FER: variants seen among roughly 807,000 people sequenced by gnomAD.
The protein encoded by FER is FER tyrosine kinase.
Under a neutral mutation model 111.0 loss-of-function variants are expected in FER, and 63 were observed. The ratio of observed to expected loss-of-function variants is 0.57; its 90% confidence interval spans 0.46 to 0.70. The LOEUF (loss-of-function observed/expected upper bound fraction) is 0.70, where lower values mean the gene tolerates loss of function less well. Among genes scored for constraint, FER ranks in the 30% least tolerant of loss-of-function variants. The pLI is 0.00. For synonymous variants in FER, 327 were observed against 313.9 expected, an observed-to-expected ratio of 1.04 and a Z score of -0.44; for missense variants, 914 against 954.0, an observed-to-expected ratio of 0.96 and a Z score of 0.55.
chr5:109,013,902 G>A (rs1766666183), intron 13 of FER, among the ~76,000 whole-genome samples: 1 of 151,918 alleles, frequency 6.6e-6, no homozygotes, highest in African/African-American at 2.4e-5. Flanking sequence ...GTCTGTTCAT[G>A]TCCTTCTCCC....
chr5:108,808,103 A>G (rs1757385238), intron 3 of FER, among the ~76,000 whole-genome samples: 1 of 151,874 alleles, frequency 6.6e-6, no homozygotes. Flanking sequence ...TGTGTATGAT[A>G]CATGGAATAT....
At chr5:108,945,471 T>G (rs1453570756) in intron 10 of FER, among the ~76,000 whole-genome samples, 1 of 152,098 alleles carries the variant, frequency 6.6e-6, no homozygotes, top group Admixed American at 6.6e-5. Flanking sequence ...TATATGATAT[T>G]CAGAAATACA....
intron 10 of FER, among the ~76,000 whole-genome samples, chr5:108,903,455 A>G (rs978908260): frequency 6.6e-6 from 1 of 152,322 alleles, no homozygotes; most frequent in South Asian, 2.1e-4. Context: ...ACTTGAGGTC[A>G]GGAGTTCGAG....
intron 16 of FER, among the ~76,000 whole-genome samples, chr5:109,082,388 T>G (rs1777089398): frequency 6.6e-6 from 1 of 152,030 alleles, no homozygotes; most frequent in Non-Finnish European, 1.5e-5. Flanking sequence ...ACACAGTCAC[T>G]GCTCTATACC....
intron 18 of FER, among the ~76,000 whole-genome samples, chr5:109,184,160 G>A (rs1333637901): frequency 2.6e-5 from 4 of 152,098 alleles, no homozygotes; most frequent in Non-Finnish European, 5.9e-5. Flanking sequence ...ATCAATTATT[G>A]AACAGAAATT....
chr5:109,030,188 C>G (rs1371394810), intron 13 of FER, among the ~76,000 whole-genome samples: 2 of 152,090 alleles, frequency 1.3e-5, no homozygotes, highest in Non-Finnish European at 2.9e-5. Flanking sequence ...ACTTCTGTTT[C>G]TATGGCTGAG....
rs551548854 is a variant in FER, at chr5:108,835,895, A to G, written c.481+88A>G. 2.1e-5 allele frequency: 14 copies of G among 667,782 alleles called. No individual in the cohort carries two copies. In the East Asian group the frequency reaches 3.9e-4, roughly 19 times the overall value. 41.4% of individuals were successfully genotyped at this position (667,782 alleles called of 1,614,324 possible). A position where few individuals can be genotyped will look rare whatever the true frequency, so the allele number is the denominator to read the frequency against. On this transcript the variant is annotated intron_variant, in intron 5 of 19. Transcript: ENST00000281092. ...TCTTTGTAAGTAGTGGAATGATTCC[A>G]TTTAGAGCATTTCACATATAAAAAA...
At position 108,836,569 on chromosome 5, in the gene FER, G is replaced by A. The variant is rs112430808; in HGVS notation, c.481+762G>A. On this transcript the variant is annotated intron_variant, in intron 5 of 19. Transcript: ENST00000281092. ...AATTTTCTTTCTAGCTAAATAAAGC[G>A]TTTATTAGAATCTCTATTTTATTTT... 6.3e-3 allele frequency among the ~76,000 whole-genome samples: 958 copies of A among 152,082 alleles called. 11 individuals carry two copies. The highest frequency in any genetic ancestry group is 0.022 in the African/African-American group (900 of 41,488).
At chr5:109,092,981 T>A (rs1418956984) in intron 16 of FER, among the ~76,000 whole-genome samples, 1 of 152,166 alleles carries the variant, frequency 6.6e-6, no homozygotes, top group Admixed American at 6.6e-5. Context: ...GAAAACATTG[T>A]GCTAAGTGAA....
chr5:109,070,610 C>T (rs1417578844), intron 16 of FER, among the ~76,000 whole-genome samples: 1 of 151,708 alleles, frequency 6.6e-6, no homozygotes, highest in African/African-American at 2.4e-5. Context: ...GCGAGGTGGA[C>T]CTGTTGTTAA....
intron 16 of FER, among the ~76,000 whole-genome samples, chr5:109,080,459 G>A (rs905316178): frequency 6.6e-6 from 1 of 152,032 alleles, no homozygotes; most frequent in Non-Finnish European, 1.5e-5. Context: ...TATATGAGTT[G>A]TAAAGAAATA....
At chr5:108,944,845 A>AAGAACC in intron 10 of FER, among the ~76,000 whole-genome samples, 1 of 150,932 alleles carries the variant, frequency 6.6e-6, no homozygotes, top group African/African-American at 2.4e-5. Context: ...AAGAACCTTC[A>AAGAACC]TATGAAAAGA....
chr5:108,850,025 A>T (rs1009892031), intron 5 of FER, among the ~76,000 whole-genome samples: 12 of 152,174 alleles, frequency 7.9e-5, no homozygotes, highest in African/African-American at 2.9e-4. Flanking sequence ...CCCCGTCTCT[A>T]CTAAAAAATG....
At chr5:108,919,449 A>T (rs1336048977) in intron 10 of FER, among the ~76,000 whole-genome samples, 2 of 152,188 alleles carry the variant, frequency 1.3e-5, no homozygotes, top group African/African-American at 4.8e-5. Flanking sequence ...TAAATTTTCC[A>T]AAAGATTCTT....
intron 16 of FER, among the ~76,000 whole-genome samples, chr5:109,098,493 C>T (rs1009111572): frequency 1.3e-5 from 2 of 151,632 alleles, no homozygotes; most frequent in Non-Finnish European, 3.0e-5. Context: ...GTAGCTCAGA[C>T]AGAATACTAT....
chr5:109,159,704 A>C (rs529737069), intron 17 of FER, among the ~76,000 whole-genome samples: 19 of 152,298 alleles, frequency 1.2e-4, no homozygotes, highest in African/African-American at 4.6e-4. Flanking sequence ...ATAGGTGCCA[A>C]AAGGAAGTAG....
intron 8 of FER, among the ~76,000 whole-genome samples, chr5:108,881,411 T>C (rs914898495): frequency 7.9e-5 from 12 of 152,166 alleles, no homozygotes; most frequent in African/African-American, 2.4e-5. Context: ...TACTCACTAT[T>C]GTGAAAAGAG....
At chr5:108,807,472 C>G (rs574334896) in intron 3 of FER, among the ~76,000 whole-genome samples, 1 of 152,186 alleles carries the variant, frequency 6.6e-6, no homozygotes, top group Non-Finnish European at 1.5e-5. Context: ...TTGATGTCAC[C>G]TTTGTGATTT....
chr5:109,040,265 A>G (rs1429525071), intron 14 of FER, among the ~76,000 whole-genome samples: 1 of 152,090 alleles, frequency 6.6e-6, no homozygotes, highest in East Asian at 1.9e-4. Context: ...TACTTACCAC[A>G]ATTAGGTGGA....
Sources: allele counts gnomAD v4.1 joint callset (sites outside exome capture counted in the v4.1 genomes callset), GRCh38; gene constraint gnomAD v4.1.1; transcripts MANE v1.5; gene names NCBI Gene and HGNC (gene_info 2026-07-23, HGNC 2026-07-21).